PANK4: variants seen among roughly 807,000 people sequenced by gnomAD.
PANK4 encodes pantothenate kinase 4 (inactive).
Under a neutral mutation model 87.9 loss-of-function variants are expected in PANK4, and 40 were observed. That is an observed-to-expected ratio of 0.46 (90% CI 0.35 to 0.59). The LOEUF is 0.59. PANK4 is among the 20% of genes least tolerant of loss of function. The pLI, the probability that PANK4 is intolerant of heterozygous loss-of-function variation, is 0.00. For synonymous variants in PANK4, 524 were observed against 467.4 expected (o/e 1.12, Z -1.56); for missense variants, 926 against 1,072.3 (o/e 0.86, Z 1.90).
Position 2,512,908 on chromosome 1 carries a change from C to G in PANK4, c.1707G>C (p.Trp569Cys), listed in dbSNP as rs1643687373. 1.9e-6 allele frequency: 3 copies of G among 1,612,836 alleles called. No individual in the cohort carries two copies. Among genetic ancestry groups the G allele is most frequent in the Non-Finnish European group, 1.7e-6 (2 of 1,179,882 alleles). Residue 569 changes from tryptophan to cysteine, a missense_variant, in exon 13 of 19, where the codon TGG (tryptophan) becomes TGC (cysteine). Coordinates refer to ENST00000378466, the MANE Select transcript of PANK4 (RefSeq NM_018216.4). ...KGLLAGNVFD[W>C]GAKAVSAVLE... ...CCTACGCAGACACGGCTTTGGCCCCCCAGTCGAAGACATTCCCCGCCAGGA... is the reference window on the plus strand; with the variant it reads ...CCTACGCAGACACGGCTTTGGCCCCGCAGTCGAAGACATTCCCCGCCAGGA...
At chr1:2,513,191 G>T in intron 12 of PANK4, 152 bp from the exon 13 acceptor site, 1 of 789,218 alleles carries the variant, frequency 1.3e-6, no homozygotes, top group Non-Finnish European at 2.0e-6. Flanking sequence ...CTATCGGTCC[G>T]GGACAGTGGC....
intron 15 of PANK4, 117 bp downstream of exon 15, chr1:2,511,221 G>C (rs1643655226): frequency 1.4e-6 from 1 of 728,646 alleles, no homozygotes; most frequent in Non-Finnish European, 2.5e-6. Flanking sequence ...AGGATGGTGA[G>C]ACTCTAACAG....
chr1:2,520,254 A>C lies in PANK4; in HGVS notation c.699+68T>G. 7.0e-7 allele frequency: 1 copy of C among 1,438,136 alleles called. No homozygotes were observed. Among genetic ancestry groups the C allele is most frequent in the Non-Finnish European group, 9.8e-7 (1 of 1,022,276 alleles). 89.1% of individuals were successfully genotyped at this position (1,438,136 alleles called of 1,614,324 possible). Reference sequence around the variant, plus strand: ...AGCAGCTTTTGCACCGCCCAGCTGCAGGCCTTCGGGGGAAGGAAGCAGACA... The same window carrying C: ...AGCAGCTTTTGCACCGCCCAGCTGCCGGCCTTCGGGGGAAGGAAGCAGACA... On this transcript the variant is annotated intron_variant, in intron 5 of 18. Coordinates refer to ENST00000378466, the MANE Select transcript of PANK4 (RefSeq NM_018216.4). The surrounding 1 kb of genome is among the most constrained non-coding windows in gnomAD (Gnocchi z 6.2).
chr1:2,516,582 T>A (rs1325296521), intron 9 of PANK4, among the ~76,000 whole-genome samples: 1 of 152,190 alleles, frequency 6.6e-6, no homozygotes, highest in African/African-American at 2.4e-5. Flanking sequence ...ATGCTGGCCC[T>A]CTGCCCTTCT....
At position 2,512,936 on chromosome 1, in the gene PANK4, C is replaced by G; in HGVS notation, c.1679G>C (p.Gly560Ala). Residue 560 changes from glycine (G) to alanine (A), a missense_variant, in exon 13 of 19, where the codon GGC becomes GCC. Coordinates refer to ENST00000378466, the MANE Select transcript of PANK4 (RefSeq NM_018216.4). ...WEERQLALVK[G>A]LLAGNVFDWG... ...GTCGAAGACATTCCCCGCCAGGAGG[C>G]CTTTCACCAGCGCCAGCTGCCGTTC... 13 of 1,612,826 alleles carry G rather than the reference C, an allele frequency of 8.1e-6. No individual in the cohort carries two copies. The highest frequency in any genetic ancestry group is 1.1e-5 in the Non-Finnish European group (13 of 1,179,884).
chr1:2,518,334 G>A (rs777029069), intron 8 of PANK4, 70 bp from the exon 9 acceptor site: 159 of 1,148,944 alleles, frequency 1.4e-4, no homozygotes, highest in Middle Eastern at 3.8e-4. Flanking sequence ...AGTGGAGGAG[G>A]AAAGGGTATA....
intron 15 of PANK4, 68 bp downstream of exon 15, chr1:2,511,270 C>G: frequency 8.7e-7 from 1 of 1,142,874 alleles, no homozygotes; most frequent in Non-Finnish European, 1.3e-6. Flanking sequence ...GCCCACCTCC[C>G]TCCAGTGACC....
chr1:2,525,846 G>A (rs1170415340), intron 1 of PANK4: 3 of 152,338 alleles, frequency 2.0e-5, no homozygotes, highest in Non-Finnish European at 2.9e-5. Context: ...TTAAACCAGA[G>A]GCACGAGTTC....
intron 1 of PANK4, among the ~76,000 whole-genome samples, chr1:2,522,826 A>G (rs1643888004): frequency 6.7e-6 from 1 of 150,026 alleles, no homozygotes; most frequent in Non-Finnish European, 1.5e-5. Context: ...GGATGGTGCT[A>G]TAGTGACTTA....
In PANK4 at chr1:2,511,613, C is replaced by T; in HGVS notation, c.1783+15G>A. The T allele has an allele frequency of 1.3e-6, 2 of 1,589,656 alleles. No individual in the cohort carries two copies. The highest frequency in any genetic ancestry group is 1.7e-6 in the Non-Finnish European group (2 of 1,158,172). The stretch of plus-strand genomic sequence containing the variant: ...CAGCACAAGGCAAGGCCCCAAGTTA[C>T]TTGGCCATCCGTACCTTGTAACTTC... On this transcript the variant is annotated intron_variant, in intron 14 of 18. Coordinates refer to ENST00000378466, the MANE Select transcript of PANK4 (RefSeq NM_018216.4).
At chr1:2,511,449 C>A (rs955497528) in intron 14 of PANK4, 62 bp from the exon 15 acceptor site, 1 of 1,299,916 alleles carries the variant, frequency 7.7e-7, no homozygotes, top group East Asian at 2.3e-5. Flanking sequence ...CAGGGAGACG[C>A]GTCTTCAGGT....
Position 2,512,706 on chromosome 1 carries a change from C to A in PANK4, c.1727+182G>T, listed in dbSNP as rs180966608. On this transcript the variant is annotated intron_variant, in intron 13 of 18. Transcript: ENST00000378466. ...CCTGAGGGGACAGACAAGGGCGCTG[C>A]GCCCTGCCCAGCCCCTGGCGCTGCT... 4.4e-4 allele frequency: 276 copies of A among 632,982 alleles called. No homozygotes were observed. In the African/African-American group the frequency reaches 4.7e-3, roughly 11 times the overall value. 39.2% of individuals were successfully genotyped at this position (632,982 alleles called of 1,614,324 possible). A position where few individuals can be genotyped will look rare whatever the true frequency, so the allele number is the denominator to read the frequency against.
intron 1 of PANK4, among the ~76,000 whole-genome samples, chr1:2,523,833 G>T (rs1643898272): frequency 6.6e-6 from 1 of 152,240 alleles, no homozygotes; most frequent in African/African-American, 2.4e-5. Context: ...ACCGCGCCTG[G>T]CAAGGCAGTG....
chr1:2,512,211 C>T (rs1035672856), intron 13 of PANK4, among the ~76,000 whole-genome samples: 6 of 152,090 alleles, frequency 3.9e-5, no homozygotes, highest in African/African-American at 1.4e-4. Context: ...TGACAGGCTG[C>T]GGGAGGGGCC....
At position 2,515,018 on chromosome 1, in the gene PANK4, C is replaced by T. The variant is rs1412971725; in HGVS notation, c.1374+544G>A. Among the ~76,000 whole-genome samples the T allele has an allele frequency of 3.3e-5, 5 of 152,164 alleles. No homozygotes were observed. Among genetic ancestry groups the T allele is most frequent in the Admixed American group, 6.5e-5 (1 of 15,280 alleles). On this transcript the variant is annotated intron_variant, in intron 10 of 18. Transcript: ENST00000378466. The surrounding 1 kb of genome is among the most constrained non-coding windows in gnomAD (Gnocchi z 5.0). The stretch of plus-strand genomic sequence containing the variant: ...CCTCAGGACAAACCCTGGCACGACC[C>T]GGCCTCTCCGAGGGCTTCGTGAAGA...
At position 2,509,065 on chromosome 1, in the gene PANK4, G is replaced by A. The variant is rs1643616625; in HGVS notation, c.2109-5C>T. ...GCCAGCCCCTTATCCAGGCGGCTTT[G>A]GGGAGGAAGAGGACGGTGAGACTGG... On this transcript the variant is annotated splice_polypyrimidine_tract_variant and splice_region_variant and intron_variant, in intron 18 of 18. Transcript: ENST00000378466. The surrounding 1 kb of genome is among the most constrained non-coding windows in gnomAD (Gnocchi z 4.9). 1 of 1,591,394 alleles carries A rather than the reference G, an allele frequency of 6.3e-7. No homozygotes were observed. Among genetic ancestry groups the A allele is most frequent in the Non-Finnish European group, 8.5e-7 (1 of 1,176,356 alleles).
chr1:2,520,383 C>T lies in PANK4; in HGVS notation c.638G>A (p.Gly213Asp), dbSNP rs1157662425. Residue 213 changes from glycine (G) to aspartate (D), a missense_variant, in exon 5 of 19, where the codon GGC becomes GAC. Physicochemically the swap from Gly to Asp is moderately conservative, Grantham distance 94. Coordinates refer to ENST00000378466, the MANE Select transcript of PANK4 (RefSeq NM_018216.4). This position sits in a 1 kb window ranked among gnomAD's most constrained non-coding sequence, Gnocchi z 6.2. ...GGTGCCGCCTCCAATGGAGCTGCCG[C>T]CGACCCACTCGAACCTGTCCTCCGT... is the stretch of plus-strand genomic sequence containing the variant. ...VETEDRFEWV[G>D]GSSIGGGTFW... is the part of the protein sequence containing the mutation. The T allele has an allele frequency of 6.2e-7, 1 of 1,612,948 alleles. No homozygotes were observed. Among genetic ancestry groups the T allele is most frequent in the Non-Finnish European group, 8.5e-7 (1 of 1,179,972 alleles).
rs1643749858 is a variant in PANK4 at position 2,515,402 on chromosome 1, C to T, written c.1374+160G>A. On this transcript the variant is annotated intron_variant, in intron 10 of 18. Coordinates refer to ENST00000378466, the MANE Select transcript of PANK4 (RefSeq NM_018216.4). The surrounding 1 kb of genome is among the most constrained non-coding windows in gnomAD (Gnocchi z 5.0). ...AGGTGGCCAGGAGCGGTATTTTTGC[C>T]TGAGAAACCAAAATCGCCCCCTCAC... 1.2e-5 allele frequency: 10 copies of T among 814,068 alleles called. No individual in the cohort carries two copies. In the East Asian group the frequency reaches 2.4e-4, roughly 19 times the overall value. The allele number at this position is 814,068 out of a possible 1,614,324, so 50.4% of individuals were successfully genotyped here.
chr1:2,516,005 G>A, intron 9 of PANK4: 1 of 514,876 alleles, frequency 1.9e-6, no homozygotes, highest in East Asian at 3.4e-5. Flanking sequence ...AATCACCGCT[G>A]CAGTCACCCT....
Sources: gnomAD v4.1 joint callset for allele counts (sites outside exome capture counted in the v4.1 genomes callset) on GRCh38, gnomAD v4.1.1 for gene constraint, Gnocchi (gnomAD v3.1) non-coding constraint, MANE v1.5 for transcripts, NCBI Gene and HGNC (gene_info 2026-07-23, HGNC 2026-07-21) for gene names.